The following PIPOX variants were observed in gnomAD, a reference collection of about 807,000 sequenced individuals.
PIPOX encodes pipecolic acid and sarcosine oxidase, also known as peroxisomal sarcosine oxidase.
Under a neutral mutation model 47.9 loss-of-function variants are expected in PIPOX, and 45 were observed. The observed-to-expected ratio is 0.94, with a 90% CI of 0.74 to 1.20. The LOEUF (loss-of-function observed/expected upper bound fraction) is 1.20, where lower values mean the gene tolerates loss of function less well. PIPOX is among the 50% of genes most tolerant of loss of function. PIPOX has a pLI of 0.00. For missense variants in PIPOX, 458 were observed against 498.4 expected, an observed-to-expected ratio of 0.92 and a Z score of 0.77; for synonymous variants, 165 against 191.3, an observed-to-expected ratio of 0.86 and a Z score of 1.13.
chr17:29,048,891 A>T (rs1364272070), intron 2 of PIPOX, among the ~76,000 whole-genome samples: 1 of 152,196 alleles, frequency 6.6e-6, no homozygotes, highest in East Asian at 1.9e-4. Flanking sequence ...CCCTTCCCCA[A>T]GGTGACTCAG....
intron 2 of PIPOX, among the ~76,000 whole-genome samples, chr17:29,052,498 T>C (rs1312774457): frequency 3.3e-5 from 5 of 152,212 alleles, no homozygotes; most frequent in Non-Finnish European, 4.4e-5. Context: ...AGGCCATGAC[T>C]CCTCTCAGGG....
chr17:29,047,284 G>A (rs1256057381), intron 2 of PIPOX, among the ~76,000 whole-genome samples: 1 of 152,006 alleles, frequency 6.6e-6, no homozygotes, highest in Non-Finnish European at 1.5e-5. Flanking sequence ...GACAGAGTGA[G>A]ACTCCGTCTC....
intron 2 of PIPOX, among the ~76,000 whole-genome samples, chr17:29,048,684 G>T (rs2065794330): frequency 6.6e-6 from 1 of 152,238 alleles, no homozygotes; most frequent in Non-Finnish European, 1.5e-5. Context: ...CAGTACAGCT[G>T]CTGGCAGAAC....
chr17:29,052,591 G>T (rs2065810510), intron 2 of PIPOX, among the ~76,000 whole-genome samples: 1 of 152,200 alleles, frequency 6.6e-6, no homozygotes, highest in African/African-American at 2.4e-5. Context: ...ACAGGGGCTT[G>T]CTCTCTCATC....
At position 29,053,477 on chromosome 17, in the gene PIPOX, G is replaced by GA. The variant is rs770124302; in HGVS notation, c.542_543insA (p.Leu182AlafsTer15). ...GAGAAGGTGGTGGAGATAAACCCAGGGCTACTGGTCACGGTGAAAACCACC... is the reference window on the plus strand; with the variant it reads ...GAGAAGGTGGTGGAGATAAACCCAGGAGCTACTGGTCACGGTGAAAACCACC... On this transcript the variant is annotated frameshift_variant, in exon 4 of 8. Coordinates refer to ENST00000323372, the MANE Select transcript of PIPOX (RefSeq NM_016518.3). LOFTEE classifies it high-confidence loss of function. 10 of 1,614,022 alleles carry GA rather than the reference G, an allele frequency of 6.2e-6. No individual in the cohort carries two copies. Among genetic ancestry groups the GA allele is most frequent in the Non-Finnish European group, 8.5e-6 (10 of 1,180,008 alleles).
intron 4 of PIPOX, 130 bp downstream of exon 4, chr17:29,053,725 C>T (rs112854387): frequency 2.4e-5 from 14 of 579,182 alleles, no homozygotes; most frequent in African/African-American, 1.7e-4. Flanking sequence ...CCTCACCGAG[C>T]CTCAGTTTTA....
intron 2 of PIPOX, among the ~76,000 whole-genome samples, chr17:29,047,036 C>T (rs1205625617): frequency 1.3e-5 from 2 of 152,180 alleles, no homozygotes; most frequent in African/African-American, 4.8e-5. Context: ...CCTGTAATCC[C>T]AGCACTTTGG....
At chr17:29,049,820 G>A (rs1263494056) in intron 2 of PIPOX, among the ~76,000 whole-genome samples, 1 of 152,226 alleles carries the variant, frequency 6.6e-6, no homozygotes, top group Non-Finnish European at 1.5e-5. Flanking sequence ...TCGGACTAGG[G>A]GAGGGTCTGG....
At chr17:29,044,471 G>C (rs2065777374) in intron 1 of PIPOX, 1 of 156,000 alleles carries the variant, frequency 6.4e-6, no homozygotes, top group Admixed American at 6.4e-5. Context: ...TGGAAAGATT[G>C]TGTGAATTTT....
Position 29,052,944 on chromosome 17 carries a change from A to C in PIPOX, c.288A>C (p.Gly96=). Residue 96 remains glycine (G), a synonymous_variant, in exon 3 of 8, where the codon GGA becomes GGC. Coordinates refer to ENST00000323372, the MANE Select transcript of PIPOX (RefSeq NM_016518.3). ...GGCAGACTGGATTACTGCTGCTGGG[A>C]ATGAAAGAGAATCAAGAATTAAAGA... is the stretch of plus-strand genomic sequence containing the variant. ...LHRQTGLLLL[G]MKENQELKTI... is the part of the protein sequence containing the mutation. The C allele has an allele frequency of 6.2e-7, 1 of 1,614,202 alleles. No individual in the cohort carries two copies.
chr17:29,056,598 A>C lies in PIPOX; in HGVS notation c.*293A>C. On this transcript the variant is annotated 3_prime_UTR_variant, in exon 8 of 8. Coordinates refer to ENST00000323372, the MANE Select transcript of PIPOX (RefSeq NM_016518.3). ...CAGAAGGTTGATCAGATATTCTACA[A>C]TCACAGAGTAGCAAGGACGTTTGAG... 1 of 476,222 alleles carries C rather than the reference A, an allele frequency of 2.1e-6. No homozygotes were observed. Among genetic ancestry groups the C allele is most frequent in the Non-Finnish European group, 3.8e-6 (1 of 264,762 alleles). The allele number at this position is 476,222 out of a possible 1,614,324, so 29.5% of individuals were successfully genotyped here.
chr17:29,047,051 C>T (rs2152698274), intron 2 of PIPOX, among the ~76,000 whole-genome samples: 1 of 152,280 alleles, frequency 6.6e-6, no homozygotes, highest in Admixed American at 6.5e-5. Context: ...CTTTGGGAGG[C>T]TGAGGCAGGT....
chr17:29,053,666 G>C, intron 4 of PIPOX, 71 bp downstream of exon 4: 1 of 1,218,422 alleles, frequency 8.2e-7, no homozygotes, highest in Non-Finnish European at 1.1e-6. Flanking sequence ...TCAAATTTGA[G>C]TCCTGGATCT....
rs1414649970 is a variant in PIPOX, at chr17:29,055,108, T to C, written c.853T>C (p.Cys285Arg). Reference sequence around the variant, plus strand: ...CCACGCAGACCCTGAGGAGCGGGACTGCCCCACAGCACGCACAGACATCGG... The same window carrying C: ...CCACGCAGACCCTGAGGAGCGGGACCGCCCCACAGCACGCACAGACATCGG... The part of the protein sequence containing the change: ...GNHADPEERD[C>R]PTARTDIGDV... Residue 285 changes from cysteine to arginine, a missense_variant, in exon 6 of 8, where the codon TGC becomes CGC. Cys to Arg is a radical substitution (Grantham distance 180, BLOSUM62 -3). Coordinates refer to ENST00000323372, the MANE Select transcript of PIPOX (RefSeq NM_016518.3). The C allele has an allele frequency of 1.9e-6, 3 of 1,613,936 alleles. No individual in the cohort carries two copies. The highest frequency in any genetic ancestry group is 2.2e-5 in the East Asian group (1 of 44,866).
At chr17:29,049,741 G>T (rs1202378525) in intron 2 of PIPOX, among the ~76,000 whole-genome samples, 3 of 152,160 alleles carry the variant, frequency 2.0e-5, no homozygotes, top group Non-Finnish European at 4.4e-5. Context: ...CTCCAGCAGC[G>T]CACGGTTTCC....
intron 1 of PIPOX, among the ~76,000 whole-genome samples, chr17:29,043,819 T>TA (rs1013091432): frequency 6.6e-6 from 1 of 152,304 alleles, no homozygotes; most frequent in East Asian, 1.9e-4. Context: ...TTTTTTTTTT[T>TA]ATTTTTTATT....
At chr17:29,043,503 T>A (rs1411442528) in intron 1 of PIPOX, among the ~76,000 whole-genome samples, 164 bp downstream of exon 1, 2 of 152,212 alleles carry the variant, frequency 1.3e-5, no homozygotes, top group Non-Finnish European at 2.9e-5. Flanking sequence ...TTCATGGCAA[T>A]TCAAAGAAGT....
chr17:29,055,834 A>T lies in PIPOX; in HGVS notation c.988A>T (p.Ile330Phe), dbSNP rs148225492. 1 of 1,613,952 alleles carries T rather than the reference A, an allele frequency of 6.2e-7. No individual in the cohort carries two copies. ...CTAGAATACCCCTGATGAGCAGTTC[A>T]TTCTCGATCGCCACCCAAAGTATGA... ...MYTNTPDEQF[I>F]LDRHPKYDNI... Residue 330 changes from isoleucine to phenylalanine, a missense_variant, in exon 7 of 8, where the codon ATT becomes TTT. Ile to Phe is a conservative substitution (Grantham distance 21, BLOSUM62 0). Transcript: ENST00000323372.
intron 2 of PIPOX, among the ~76,000 whole-genome samples, chr17:29,051,479 C>T (rs1273608266): frequency 6.6e-6 from 1 of 152,178 alleles, no homozygotes; most frequent in Non-Finnish European, 1.5e-5. Context: ...CTATTACGAG[C>T]TTTACACCCA....
Sources: allele counts gnomAD v4.1 joint callset (sites outside exome capture counted in the v4.1 genomes callset), GRCh38; gene constraint gnomAD v4.1.1; transcripts MANE v1.5; gene names NCBI Gene and HGNC (gene_info 2026-07-23, HGNC 2026-07-21).